Variants in ST8SIA1 observed in about 807,000 individuals in gnomAD.
The protein encoded by ST8SIA1 is alpha-N-acetylneuraminide alpha-2,8-sialyltransferase.
In ST8SIA1, 16 loss-of-function variants were observed where a neutral mutation model predicts 35.9. That is an observed-to-expected ratio of 0.45 (90% CI 0.30 to 0.68). The LOEUF (loss-of-function observed/expected upper bound fraction) is 0.68, where lower values mean the gene tolerates loss of function less well. Ranked by LOEUF, ST8SIA1 falls within the 30% of genes least tolerant of loss-of-function variation. The pLI, the probability that ST8SIA1 is intolerant of heterozygous loss-of-function variation, is 0.09. For missense variants in ST8SIA1, 383 were observed against 453.6 expected (o/e 0.84, Z 1.41); for synonymous variants, 170 against 169.6 (o/e 1.00, Z -0.02).
chr12:22,289,427 C>T (rs893812793), intron 1 of ST8SIA1, among the ~76,000 whole-genome samples: 3 of 152,088 alleles, frequency 2.0e-5, no homozygotes, highest in South Asian at 2.1e-4. Context: ...CTCCTCTTTG[C>T]GAGCTACCTG....
chr12:22,287,073 C>T, intron 2 of ST8SIA1, 76 bp downstream of exon 2: 3 of 1,400,900 alleles, frequency 2.1e-6, no homozygotes, highest in Admixed American at 4.4e-5. Context: ...ATGAGTAAGG[C>T]AAACTCAATT....
chr12:22,277,801 G>A, intron 2 of ST8SIA1, among the ~76,000 whole-genome samples: 1 of 152,200 alleles, frequency 6.6e-6, no homozygotes, highest in Non-Finnish European at 1.5e-5. Flanking sequence ...GATTTGGACA[G>A]TGAAATTCAA....
chr12:22,262,984 G>C (rs1369899270), intron 2 of ST8SIA1, among the ~76,000 whole-genome samples: 1 of 152,042 alleles, frequency 6.6e-6, no homozygotes, highest in African/African-American at 2.4e-5. Context: ...GATTCTTTTT[G>C]AATCTAAAAA....
intron 2 of ST8SIA1, among the ~76,000 whole-genome samples, chr12:22,269,612 T>G (rs1421423626): frequency 6.6e-6 from 1 of 152,234 alleles, no homozygotes; most frequent in Non-Finnish European, 1.5e-5. Context: ...ATTCCCATTT[T>G]TTCACTATGA....
intron 2 of ST8SIA1, among the ~76,000 whole-genome samples, chr12:22,260,840 G>C (rs1865781547): frequency 6.7e-6 from 1 of 149,176 alleles, no homozygotes; most frequent in South Asian, 2.1e-4. Context: ...ATTTGTGTGA[G>C]ATATTTTCAA....
rs544226779 is a variant in ST8SIA1, at chr12:22,243,004, A to T, written c.584+6002T>A. Among the ~76,000 whole-genome samples the T allele has an allele frequency of 2.0e-5, 3 of 152,302 alleles. No individual in the cohort carries two copies. The South Asian group carries it at 6.2e-4, about 32-fold the overall frequency. ...AAAGGCTGTAGCAAAGCTCCTTCTT[A>T]CTGTAGCAAAGCTCCTTCTTACTGA... On this transcript the variant is annotated intron_variant, in intron 4 of 4. Transcript: ENST00000396037.
intron 4 of ST8SIA1, among the ~76,000 whole-genome samples, chr12:22,247,637 TA>T (rs1262174480): frequency 1.1e-4 from 16 of 152,128 alleles, no homozygotes; most frequent in African/African-American, 2.2e-4. Flanking sequence ...ACATTCAGGA[TA>T]TTTTTTTCAG....
intron 1 of ST8SIA1, among the ~76,000 whole-genome samples, chr12:22,291,070 A>C (rs1866169294): frequency 6.6e-6 from 1 of 152,206 alleles, no homozygotes; most frequent in African/African-American, 2.4e-5. Flanking sequence ...ATACTTACGA[A>C]GCCTGGGAGC....
chr12:22,327,784 A>G (rs1354606579), intron 1 of ST8SIA1, among the ~76,000 whole-genome samples: 1 of 152,172 alleles, frequency 6.6e-6, no homozygotes, highest in Non-Finnish European at 1.5e-5. Context: ...AGACCTGTCT[A>G]TCAAGTACAG....
chr12:22,229,491 C>T (rs1453796008), intron 4 of ST8SIA1, among the ~76,000 whole-genome samples: 2 of 151,760 alleles, frequency 1.3e-5, no homozygotes, highest in East Asian at 3.9e-4. Context: ...TGGCATGCAC[C>T]TGTAGTCCCA....
At chr12:22,223,921 A>C in intron 4 of ST8SIA1, 1 of 718,102 alleles carries the variant, frequency 1.4e-6, no homozygotes, top group Non-Finnish European at 1.8e-6. Flanking sequence ...TCCTTTATAC[A>C]TTGCTAGATT....
At chr12:22,265,364 C>T (rs1364080310) in intron 2 of ST8SIA1, among the ~76,000 whole-genome samples, 1 of 152,220 alleles carries the variant, frequency 6.6e-6, no homozygotes, top group African/African-American at 2.4e-5. Context: ...GTCATACTTG[C>T]AATCCCCTCA....
At chr12:22,320,686 A>T (rs1382375540) in intron 1 of ST8SIA1, among the ~76,000 whole-genome samples, 1 of 151,862 alleles carries the variant, frequency 6.6e-6, no homozygotes, top group Non-Finnish European at 1.5e-5. Flanking sequence ...CTCTACAAAG[A>T]TAAAAATTAA....
intron 3 of ST8SIA1, 76 bp from the exon 4 acceptor site, chr12:22,249,174 A>C (rs1025305974): frequency 1.7e-5 from 16 of 954,474 alleles, no homozygotes; most frequent in African/African-American, 8.3e-5. Context: ...ACAAATAGAA[A>C]TGTTATTAAT....
intron 2 of ST8SIA1, among the ~76,000 whole-genome samples, chr12:22,267,811 C>T (rs111410340): frequency 8.5e-5 from 13 of 152,170 alleles, no homozygotes; most frequent in South Asian, 2.1e-4. Context: ...TTGCCCTACA[C>T]GATACAATTC....
At chr12:22,312,702 G>T in intron 1 of ST8SIA1, among the ~76,000 whole-genome samples, 1 of 147,466 alleles carries the variant, frequency 6.8e-6, no homozygotes. Context: ...AAGTAGGGGC[G>T]TCACGGAAAT....
chr12:22,309,551 C>T (rs901383887), intron 1 of ST8SIA1, among the ~76,000 whole-genome samples: 2 of 152,168 alleles, frequency 1.3e-5, no homozygotes, highest in African/African-American at 4.8e-5. Flanking sequence ...CATTAATATT[C>T]ATGAGTCTTT....
intron 1 of ST8SIA1, among the ~76,000 whole-genome samples, chr12:22,314,111 C>G (rs1197155605): frequency 1.3e-5 from 2 of 152,102 alleles, no homozygotes; most frequent in African/African-American, 4.8e-5. Flanking sequence ...CAGACTCCTG[C>G]TAGCTTAATC....
intron 2 of ST8SIA1, among the ~76,000 whole-genome samples, chr12:22,267,919 T>C (rs773680652): frequency 6.6e-6 from 1 of 152,152 alleles, no homozygotes; most frequent in Admixed American, 6.5e-5. Flanking sequence ...TATGTCATCT[T>C]CCAGGATTGG....
Sources: gnomAD v4.1 joint callset for allele counts (sites outside exome capture counted in the v4.1 genomes callset) on GRCh38, gnomAD v4.1.1 for gene constraint, MANE v1.5 for transcripts, NCBI Gene and HGNC (gene_info 2026-07-23, HGNC 2026-07-21) for gene names.